ZNF503: variants seen among roughly 807,000 people sequenced by gnomAD.
The protein encoded by ZNF503 is NocA-like zinc finger 2.
Under a neutral mutation model 34.4 loss-of-function variants are expected in ZNF503, and 15 were observed. That is an observed-to-expected ratio of 0.44 (90% CI 0.29 to 0.67). ZNF503 has a LOEUF of 0.67. Ranked by LOEUF, ZNF503 falls within the 30% of genes least tolerant of loss-of-function variation. ZNF503 has a pLI of 0.13. For missense variants in ZNF503, 1,007 were observed against 926.8 expected (o/e 1.09, Z -1.12); for synonymous variants, 580 against 456.8 (o/e 1.27, Z -3.44).
Position 75,399,090 on chromosome 10 carries a change from C to A in ZNF503, c.1600G>T (p.Glu534Ter). The A allele has an allele frequency of 6.2e-7, 1 of 1,613,712 alleles. No individual in the cohort carries two copies. Among genetic ancestry groups the A allele is most frequent in the Non-Finnish European group, 8.5e-7 (1 of 1,179,852 alleles). ...TGGGTCCGCAAGTGGCTCAGCAGCT[C>A]TTCGGACGTGGCGAAGCGCTTGTCG... ...PCDKRFATSEELLSHLRTHTA... is the reference protein window; with the variant it reads ...PCDKRFATSE Residue 534 changes from glutamate (E) to a stop codon, truncating the protein, a stop_gained, in exon 2 of 2, where the codon GAG (glutamate) becomes TAG (stop). Coordinates refer to ENST00000372524, the MANE Select transcript of ZNF503 (RefSeq NM_032772.6). LOFTEE classifies it high-confidence loss of function.
chr10:75,300,038 A>G, the ZNF503 span, among the ~76,000 whole-genome samples: 1 of 152,218 alleles, frequency 6.6e-6, no homozygotes, highest in Admixed American at 6.5e-5. Context: ...CCTCATCCTG[A>G]TAAGCCTGGG....
At chr10:75,312,002 C>T in the ZNF503 span, among the ~76,000 whole-genome samples, 1 of 151,912 alleles carries the variant, frequency 6.6e-6, no homozygotes, top group African/African-American at 2.4e-5. Flanking sequence ...GCCTCAGCCT[C>T]CCAAACAGCT....
At chr10:75,330,754 T>C in the ZNF503 span, among the ~76,000 whole-genome samples, 1 of 152,140 alleles carries the variant, frequency 6.6e-6, no homozygotes, top group South Asian at 2.1e-4. Flanking sequence ...TTGGTTTGTT[T>C]AGCTAATGGT....
At chr10:75,336,377 C>CA in the ZNF503 span, among the ~76,000 whole-genome samples, 48,390 of 137,144 alleles carry the variant, frequency 0.35, 8,303 homozygotes, top group Non-Finnish European at 0.38. Context: ...ACAGAATTGT[C>CA]AAAAAAAAAA....
chr10:75,389,728 TCAAA>T, the ZNF503 span, among the ~76,000 whole-genome samples: 3 of 152,146 alleles, frequency 2.0e-5, no homozygotes, highest in African/African-American at 7.2e-5. Context: ...AGACTCCATC[TCAAA>T]CAAACAAAAC....
At chr10:75,293,495 C>T in the ZNF503 span, among the ~76,000 whole-genome samples, 1 of 152,160 alleles carries the variant, frequency 6.6e-6, no homozygotes, top group Non-Finnish European at 1.5e-5. Context: ...AACAAATATG[C>T]AAATGGATTT....
the ZNF503 span, among the ~76,000 whole-genome samples, chr10:75,309,874 T>G: frequency 1.3e-5 from 2 of 152,234 alleles, no homozygotes; most frequent in Non-Finnish European, 2.9e-5. Context: ...AGTTTTAACT[T>G]TTGTCTAGGT....
chr10:75,356,862 C>T, the ZNF503 span, among the ~76,000 whole-genome samples: 142 of 152,314 alleles, frequency 9.3e-4, no homozygotes, highest in African/African-American at 3.3e-3. Flanking sequence ...CGGGAGGCTG[C>T]TGTTGAATGG....
At chr10:75,373,231 C>T in the ZNF503 span, 2 of 152,234 alleles carry the variant, frequency 1.3e-5, no homozygotes, top group African/African-American at 4.8e-5. Context: ...ATCTGTGTGG[C>T]CTGTGGCCAG....
the ZNF503 span, among the ~76,000 whole-genome samples, chr10:75,349,559 G>A: frequency 1.3e-5 from 2 of 152,218 alleles, no homozygotes; most frequent in Non-Finnish European, 2.9e-5. Flanking sequence ...AGGTAACAGA[G>A]GCAGGGAGTG....
chr10:75,329,572 C>T, the ZNF503 span, among the ~76,000 whole-genome samples: 1 of 152,036 alleles, frequency 6.6e-6, no homozygotes. Context: ...CTCAAGTGAT[C>T]CTCCTGCGTC....
At chr10:75,301,280 G>A in the ZNF503 span, among the ~76,000 whole-genome samples, 2 of 151,916 alleles carry the variant, frequency 1.3e-5, no homozygotes, top group African/African-American at 2.4e-5. Context: ...TTGCTCTGTT[G>A]CCCAGGATGG....
the ZNF503 span, among the ~76,000 whole-genome samples, chr10:75,349,869 T>C: frequency 6.6e-6 from 1 of 152,238 alleles, no homozygotes; most frequent in South Asian, 2.1e-4. Context: ...ATGGAGTCCA[T>C]GGACCAGTGT....
chr10:75,401,454 G>C lies in ZNF503; in HGVS notation c.-35C>G. 2.0e-6 allele frequency: 3 copies of C among 1,516,798 alleles called. No homozygotes were observed. The highest frequency in any genetic ancestry group is 1.8e-6 in the Non-Finnish European group (2 of 1,139,440). The allele number at this position is 1,516,798 out of a possible 1,614,324, so 94.0% of individuals were successfully genotyped here. A position where few individuals can be genotyped will look rare whatever the true frequency, so the allele number is the denominator to read the frequency against. Reference sequence around the variant, plus strand: ...GCGCGCATGGGAGCAGCGGGGGGGAGGGCTCCGGGAGGCGCGGGGCGGGCT... The same window carrying C: ...GCGCGCATGGGAGCAGCGGGGGGGACGGCTCCGGGAGGCGCGGGGCGGGCT... On this transcript the variant is annotated 5_prime_UTR_variant, in exon 1 of 2. Transcript: ENST00000372524.
chr10:75,383,112 T>C, the ZNF503 span, among the ~76,000 whole-genome samples: 1 of 152,190 alleles, frequency 6.6e-6, no homozygotes, highest in African/African-American at 2.4e-5. Context: ...GTCAGGACAC[T>C]GGGTTGGAAG....
chr10:75,401,010 A>AC (rs753231904), intron 1 of ZNF503, 95 bp downstream of exon 1: 125 of 1,545,092 alleles, frequency 8.1e-5, no homozygotes, highest in East Asian at 1.9e-4. Context: ...AATCACTCCG[A>AC]CCCCCCCACC....
the ZNF503 span, among the ~76,000 whole-genome samples, chr10:75,372,215 A>T: frequency 6.6e-6 from 1 of 152,272 alleles, no homozygotes; most frequent in African/African-American, 2.4e-5. Flanking sequence ...TACAGGCGTG[A>T]GCCACTGTGC....
chr10:75,319,947 T>C, the ZNF503 span, among the ~76,000 whole-genome samples: 5 of 152,210 alleles, frequency 3.3e-5, no homozygotes, highest in Non-Finnish European at 7.3e-5. Flanking sequence ...TATAATTTTT[T>C]AAAATCCCAA....
At chr10:75,348,190 A>G in the ZNF503 span, among the ~76,000 whole-genome samples, 3 of 151,748 alleles carry the variant, frequency 2.0e-5, no homozygotes, top group East Asian at 1.9e-4. Context: ...AGCCTCCCCA[A>G]TAGCTGGGAT....
Sources: allele counts gnomAD v4.1 joint callset (sites outside exome capture counted in the v4.1 genomes callset), GRCh38; gene constraint gnomAD v4.1.1; transcripts MANE v1.5; gene names NCBI Gene and HGNC (gene_info 2026-07-23, HGNC 2026-07-21).